The following GOSR1 variants were observed in gnomAD, a reference collection of about 807,000 sequenced individuals.
GOSR1 encodes the protein golgi SNAP receptor complex member 1.
A neutral mutation model predicts 35.5 loss-of-function variants in GOSR1; 21 were observed. That is an observed-to-expected ratio of 0.59 (90% CI 0.42 to 0.85). GOSR1 has a LOEUF of 0.85. Ranked by LOEUF, GOSR1 falls within the 40% of genes least tolerant of loss-of-function variation. GOSR1 has a pLI of 0.00. For missense variants in GOSR1, 285 were observed against 309.6 expected (o/e 0.92, Z 0.60); for synonymous variants, 94 against 106.6 (o/e 0.88, Z 0.73).
rs1967966614 is a variant in GOSR1, at chr17:30,520,015, T to G, written c.616T>G (p.Leu206Val). 2 of 1,589,132 alleles carry G rather than the reference T, an allele frequency of 1.3e-6. No homozygotes were observed. The highest frequency in any genetic ancestry group is 1.7e-6 in the Non-Finnish European group (2 of 1,157,626). Residue 206 changes from leucine to valine, a missense_variant, in exon 8 of 9, where the codon TTG becomes GTG. Leu to Val is a conservative substitution (Grantham distance 32). Coordinates refer to ENST00000451249, the MANE Select transcript of GOSR1 (RefSeq NM_001007025.2). ...GTCAATTCACAGCAAAATGAACACT[T>G]TGGCCAGTATCCTTTTTGAATGTTC... ...LKSIHSKMNT[L>V]ANRFPAVNSL...
At chr17:30,484,134 A>G (rs185851597) in intron 2 of GOSR1, 80 bp from the exon 3 acceptor site, 3 of 778,008 alleles carry the variant, frequency 3.9e-6, no homozygotes, top group Admixed American at 3.6e-5. Context: ...TATGGCTCCT[A>G]TTAATCACCT....
intron 1 of GOSR1, chr17:30,477,837 C>T: frequency 2.0e-6 from 2 of 985,220 alleles, no homozygotes; most frequent in Non-Finnish European, 2.4e-6. Flanking sequence ...GATCCAGAGC[C>T]CCGGAGACTG....
rs575655869 is a variant in GOSR1, at chr17:30,499,185, A to G, written c.509+6432A>G. On this transcript the variant is annotated intron_variant, in intron 6 of 8. Transcript: ENST00000451249. ...AAATGTCAGTAATTGATTTCTTTCAATAGCGGAATAACTTCCATTGTATGA... is the reference window on the plus strand; with the variant it reads ...AAATGTCAGTAATTGATTTCTTTCAGTAGCGGAATAACTTCCATTGTATGA... Among the ~76,000 whole-genome samples, 376 of 152,306 alleles carry G rather than the reference A, an allele frequency of 2.5e-3. 1 individual carries two copies. Among genetic ancestry groups the G allele is most frequent in the African/African-American group, 8.7e-3 (362 of 41,562 alleles).
intron 6 of GOSR1, among the ~76,000 whole-genome samples, chr17:30,495,781 T>A (rs780475026): frequency 6.6e-6 from 1 of 152,258 alleles, no homozygotes; most frequent in Non-Finnish European, 1.5e-5. Flanking sequence ...CTTCCTGCTG[T>A]ACCCTGGCAA....
At position 30,526,518 on chromosome 17, in the gene GOSR1, A is replaced by T. The variant is rs1206403733; in HGVS notation, c.*4140A>T. The T allele has an allele frequency of 6.6e-6, 1 of 152,592 alleles. No individual in the cohort carries two copies. The highest frequency in any genetic ancestry group is 2.4e-5 in the African/African-American group (1 of 41,444). The allele number at this position is 152,592 out of a possible 1,614,324, so 9.5% of individuals were successfully genotyped here. A position where few individuals can be genotyped will look rare whatever the true frequency, so the allele number is the denominator to read the frequency against. On this transcript the variant is annotated 3_prime_UTR_variant, in exon 9 of 9. Transcript: ENST00000451249. Reference sequence around the variant, plus strand: ...AAAAGATACCTGAGAGCTCACTTTAATATCAAGGTATTTGCATCCATTCCC... The same window carrying T: ...AAAAGATACCTGAGAGCTCACTTTATTATCAAGGTATTTGCATCCATTCCC...
chr17:30,505,589 C>T (rs970961826), intron 6 of GOSR1, among the ~76,000 whole-genome samples: 14 of 152,126 alleles, frequency 9.2e-5, no homozygotes, highest in African/African-American at 3.4e-4. Flanking sequence ...TGTTACATTT[C>T]GGTAACAGTA....
At chr17:30,517,422 T>C (rs1336686814) in intron 7 of GOSR1, among the ~76,000 whole-genome samples, 1 of 152,174 alleles carries the variant, frequency 6.6e-6, no homozygotes, top group Non-Finnish European at 1.5e-5. Flanking sequence ...TCTGAAAATA[T>C]TACAGCATTG....
At chr17:30,481,119 TTTG>T (rs765699109) in intron 1 of GOSR1, 21 bp from the exon 2 acceptor site, 65 of 1,503,552 alleles carry the variant, frequency 4.3e-5, no homozygotes, top group Non-Finnish European at 6.0e-5. Flanking sequence ...TGTCTAATTA[TTTG>T]TTGTTATAAT....
intron 6 of GOSR1, among the ~76,000 whole-genome samples, chr17:30,497,188 A>G (rs969611444): frequency 3.9e-5 from 6 of 152,148 alleles, no homozygotes; most frequent in Non-Finnish European, 7.4e-5. Flanking sequence ...GCTTGAGGCC[A>G]AGACTTTGAG....
chr17:30,498,267 G>C (rs532126676), intron 6 of GOSR1, among the ~76,000 whole-genome samples: 1 of 151,786 alleles, frequency 6.6e-6, no homozygotes, highest in African/African-American at 2.4e-5. Context: ...TTGTTTTAAC[G>C]AGCATTTGTT....
chr17:30,492,421 T>G (rs991953593), intron 5 of GOSR1, among the ~76,000 whole-genome samples: 5 of 152,340 alleles, frequency 3.3e-5, no homozygotes, highest in African/African-American at 1.2e-4. Context: ...GTTTTGGTTG[T>G]TTGTTTCAGA....
rs896805289 is a variant in GOSR1, at chr17:30,493,558, A to G, written c.509+805A>G. Reference sequence around the variant, plus strand: ...ATAATGTGAAAAACTTTAGTTTTTCAGTGTTTTTGTATTTCATTTGCCAAG... The same window carrying G: ...ATAATGTGAAAAACTTTAGTTTTTCGGTGTTTTTGTATTTCATTTGCCAAG... On this transcript the variant is annotated intron_variant, in intron 6 of 8. Coordinates refer to ENST00000451249, the MANE Select transcript of GOSR1 (RefSeq NM_001007025.2). 9.2e-5 allele frequency among the ~76,000 whole-genome samples: 14 copies of G among 152,208 alleles called. 1 individual carries two copies. The East Asian group carries it at 1.2e-3, about 13-fold the overall frequency.
intron 6 of GOSR1, among the ~76,000 whole-genome samples, chr17:30,497,931 G>A (rs965327790): frequency 1.3e-5 from 2 of 151,942 alleles, no homozygotes; most frequent in African/African-American, 4.8e-5. Flanking sequence ...GGTGGCAGGC[G>A]CCTATAATCC....
intron 4 of GOSR1, among the ~76,000 whole-genome samples, chr17:30,485,791 G>T (rs1199918066): frequency 6.6e-6 from 1 of 152,216 alleles, no homozygotes; most frequent in African/African-American, 2.4e-5. Flanking sequence ...GGAGGCCAAG[G>T]CAGGTGGATC....
chr17:30,507,882 G>T (rs1040104981), intron 6 of GOSR1, among the ~76,000 whole-genome samples: 2 of 152,148 alleles, frequency 1.3e-5, no homozygotes, highest in Admixed American at 1.3e-4. Context: ...TGGTGAAGAC[G>T]CTGTAAACAT....
intron 5 of GOSR1, chr17:30,490,451 C>T: frequency 2.8e-6 from 1 of 356,030 alleles, no homozygotes; most frequent in Non-Finnish European, 5.2e-6. Flanking sequence ...CTTGACTTTC[C>T]TGTCTTAATT....
At chr17:30,514,137 A>G (rs1967713915) in intron 7 of GOSR1, among the ~76,000 whole-genome samples, 1 of 152,232 alleles carries the variant, frequency 6.6e-6, no homozygotes, top group Non-Finnish European at 1.5e-5. Flanking sequence ...TAAATGATGC[A>G]AAGGAAGTTG....
Position 30,516,859 on chromosome 17 carries a change from G to A in GOSR1, c.540-3080G>A, listed in dbSNP as rs557107642. Reference sequence around the variant, plus strand: ...CCTCCCAGTAGCTGGGATTACAGGCGCTCACCACCACGCCTGGCTAATTTT... The same window carrying A: ...CCTCCCAGTAGCTGGGATTACAGGCACTCACCACCACGCCTGGCTAATTTT... On this transcript the variant is annotated intron_variant, in intron 7 of 8. Coordinates refer to ENST00000451249, the MANE Select transcript of GOSR1 (RefSeq NM_001007025.2). Among the ~76,000 whole-genome samples, 21 of 152,058 alleles carry A rather than the reference G, an allele frequency of 1.4e-4. 1 individual carries two copies. Among genetic ancestry groups the A allele is most frequent in the Middle Eastern group, 3.4e-3 (1 of 294 alleles).
chr17:30,508,324 TC>T (rs1381710692), intron 6 of GOSR1, among the ~76,000 whole-genome samples: 1 of 152,234 alleles, frequency 6.6e-6, no homozygotes, highest in Non-Finnish European at 1.5e-5. Context: ...GCAATATAAA[TC>T]TTTATGTTCA....
Sources: allele counts gnomAD v4.1 joint callset (sites outside exome capture counted in the v4.1 genomes callset), GRCh38; gene constraint gnomAD v4.1.1; transcripts MANE v1.5; gene names NCBI Gene and HGNC (gene_info 2026-07-23, HGNC 2026-07-21).